LPA: variants seen among roughly 807,000 people sequenced by gnomAD.
LPA encodes the protein apolipoprotein(a).
Under a neutral mutation model 197.9 loss-of-function variants are expected in LPA, and 199 were observed. That is an observed-to-expected ratio of 1.01 (90% CI 0.90 to 1.13). The LOEUF (loss-of-function observed/expected upper bound fraction) is 1.13. Among genes scored for constraint, LPA ranks in the 50% most tolerant of loss-of-function variants. LPA has a pLI of 0.00. For synonymous variants in LPA, 715 were observed against 639.5 expected, an observed-to-expected ratio of 1.12 and a Z score of -1.78; for missense variants, 1,853 against 1,785.8, an observed-to-expected ratio of 1.04 and a Z score of -0.68.
chr6:160,662,499 C>G (rs9347437), intron 1 of LPA, among the ~76,000 whole-genome samples: 73,062 of 152,004 alleles, frequency 0.48, 18,120 homozygotes, highest in Non-Finnish European at 0.55. Context: ...AAGAGCTTAT[C>G]AGAGAATGTG....
In LPA at chr6:160,605,057, G is replaced by A; in HGVS notation, c.2934C>T (p.Tyr978=). ...TPHSHSRTPA[Y]YPNAGLIKNY... is the part of the protein sequence containing the mutation. Reference sequence around the variant, plus strand: ...GAAAATAGACATACGCATTTGGGTAGTATGCTGGGGTCCGACTATGCGAGT... The same window carrying A: ...GAAAATAGACATACGCATTTGGGTAATATGCTGGGGTCCGACTATGCGAGT... Residue 978 remains tyrosine (Y), a synonymous_variant, in exon 18 of 39, where the codon TAC becomes TAT. Transcript: ENST00000316300. 1.9e-6 allele frequency: 3 copies of A among 1,613,776 alleles called. No individual in the cohort carries two copies. The highest frequency in any genetic ancestry group is 1.7e-6 in the Non-Finnish European group (2 of 1,179,772).
At chr6:160,560,649 T>G (rs752627907) in intron 28 of LPA, among the ~76,000 whole-genome samples, 1 of 152,284 alleles carries the variant, frequency 6.6e-6, no homozygotes, top group East Asian at 1.9e-4. Context: ...TTTTTTTTCT[T>G]GTACATTTGT....
intron 28 of LPA, among the ~76,000 whole-genome samples, chr6:160,561,019 C>T (rs10945677): frequency 0.2 from 30,584 of 152,038 alleles, 3,402 homozygotes; most frequent in East Asian, 0.4. Context: ...ATGCCATTCT[C>T]CTGCCTCAGC....
intron 25 of LPA, among the ~76,000 whole-genome samples, 158 bp downstream of exon 25, chr6:160,586,291 C>A (rs995162454): frequency 7.9e-5 from 12 of 152,124 alleles, no homozygotes; most frequent in Non-Finnish European, 1.2e-4. Flanking sequence ...CAGCTCTGGT[C>A]CCCCCAGAGA....
intron 22 of LPA, among the ~76,000 whole-genome samples, chr6:160,591,693 T>C (rs1255475383): frequency 6.6e-6 from 1 of 152,236 alleles, no homozygotes; most frequent in African/African-American, 2.4e-5. Flanking sequence ...ATGGTTGTAC[T>C]CCCTCCTTGG....
At chr6:160,557,958 C>T (rs1232253125) in intron 28 of LPA, among the ~76,000 whole-genome samples, 4 of 149,872 alleles carry the variant, frequency 2.7e-5, no homozygotes, top group Non-Finnish European at 4.4e-5. Flanking sequence ...CTCGCTCTGT[C>T]GCCCAGACTG....
At chr6:160,581,017 T>C (rs1217477233) in intron 26 of LPA, among the ~76,000 whole-genome samples, 3 of 152,182 alleles carry the variant, frequency 2.0e-5, no homozygotes, top group African/African-American at 7.2e-5. Flanking sequence ...TACTTTTTCA[T>C]AGCAGTCTTA....
At chr6:160,584,577 C>T (rs1385185936) in intron 26 of LPA, among the ~76,000 whole-genome samples, 3 of 151,980 alleles carry the variant, frequency 2.0e-5, no homozygotes, top group Non-Finnish European at 4.4e-5. Flanking sequence ...GGTGATCTGC[C>T]CGTCTTGTCC....
intron 30 of LPA, among the ~76,000 whole-genome samples, chr6:160,554,105 C>G (rs1034978641): frequency 5.3e-5 from 8 of 151,920 alleles, no homozygotes; most frequent in African/African-American, 1.9e-4. Context: ...TTTTGTAGTT[C>G]TTTAATTTCC....
At chr6:160,542,643 C>T in intron 34 of LPA, 45 bp downstream of exon 34, 2 of 1,611,128 alleles carry the variant, frequency 1.2e-6, no homozygotes, top group Non-Finnish European at 1.7e-6. Context: ...TTTTGTGGGG[C>T]TTACATGGAA....
In LPA at chr6:160,606,480, G is replaced by T; in HGVS notation, c.2782C>A (p.Gln928Lys). The change falls in exon 17 of 39, where the codon CAA (glutamine) becomes AAA (lysine). Residue 928 changes from glutamine (Q) to lysine (K), a missense_variant. By Grantham distance (53) the Gln-to-Lys change is moderately conservative. This residue lies in a region of LPA where 1,737 missense variants were observed against 1,504.4 expected (regional missense o/e 1.15). Transcript: ENST00000316300. ...PIPSLEAPSE[Q>K]APTEQRPGVQ... is the part of the protein sequence containing the mutation. The stretch of plus-strand genomic sequence containing the variant: ...TTTCTGGCCACAGGCTCCTTACCTT[G>T]TTCAGAAGGAGCCTCTAGGCTTGGA... 2.5e-6 allele frequency: 4 copies of T among 1,613,352 alleles called. No individual in the cohort carries two copies. The highest frequency in any genetic ancestry group is 3.4e-6 in the Non-Finnish European group (4 of 1,179,790).
chr6:160,657,810 A>T (rs1375996088), intron 1 of LPA, among the ~76,000 whole-genome samples: 1 of 152,134 alleles, frequency 6.6e-6, no homozygotes, highest in East Asian at 1.9e-4. Context: ...TTCCACCATT[A>T]TCCCTTACCC....
chr6:160,572,883 T>C (rs1408462099), intron 28 of LPA, among the ~76,000 whole-genome samples: 1 of 152,190 alleles, frequency 6.6e-6, no homozygotes, highest in African/African-American at 2.4e-5. Flanking sequence ...AGAATGTGCC[T>C]AGGCTAAGAT....
chr6:160,601,953 A>G (rs952839444), intron 18 of LPA, among the ~76,000 whole-genome samples: 2 of 152,194 alleles, frequency 1.3e-5, no homozygotes, highest in East Asian at 3.9e-4. Flanking sequence ...TCGGGCAGCT[A>G]TGGAGGACCT....
intron 1 of LPA, among the ~76,000 whole-genome samples, chr6:160,656,394 T>C (rs1371606014): frequency 6.6e-6 from 1 of 152,208 alleles, no homozygotes; most frequent in African/African-American, 2.4e-5. Flanking sequence ...AGTATGTCTA[T>C]ACAAATTATG....
At chr6:160,566,230 C>T (rs1177992237) in intron 28 of LPA, among the ~76,000 whole-genome samples, 1 of 152,026 alleles carries the variant, frequency 6.6e-6, no homozygotes, top group Non-Finnish European at 1.5e-5. Context: ...ACATAATTGT[C>T]AGATTCACCA....
chr6:160,601,426 G>A (rs904810835), intron 18 of LPA, among the ~76,000 whole-genome samples: 18 of 152,240 alleles, frequency 1.2e-4, no homozygotes, highest in African/African-American at 3.9e-4. Flanking sequence ...GGAATAACTG[G>A]TATGGATTTT....
rs41264848 is a variant in LPA at position 160,547,936 on chromosome 6, G to T, written c.5157C>A (p.Asp1719Glu). 4 of 1,613,744 alleles carry T rather than the reference G, an allele frequency of 2.5e-6. No homozygotes were observed. The Admixed American group carries it at 5.0e-5, about 20-fold the overall frequency. Residue 1719 changes from aspartate (D) to glutamate (E), a missense_variant and splice_region_variant, in exon 32 of 39, where the codon GAC (aspartate) becomes GAA (glutamate). Physicochemically the swap from Asp to Glu is conservative, Grantham distance 45 (BLOSUM62 2). Coordinates refer to ENST00000316300, the MANE Select transcript of LPA (RefSeq NM_005577.4). ...VPSLGPPSEQ[D>E]CMFGNGKGYR... ...ATCCTTTCCCATTCCCAAACATACA[G>T]TCTGTAGAAAAAAATAAAAATAAAA...
chr6:160,552,486 T>C (rs1778182276), intron 30 of LPA, among the ~76,000 whole-genome samples: 1 of 152,226 alleles, frequency 6.6e-6, no homozygotes, highest in Non-Finnish European at 1.5e-5. Flanking sequence ...TATTTTTTGG[T>C]TTTGATACTA....
Sources: allele counts gnomAD v4.1 joint callset (sites outside exome capture counted in the v4.1 genomes callset), GRCh38; gene constraint gnomAD v4.1.1; regional missense constraint gnomAD v4.1.1; transcripts MANE v1.5; gene names NCBI Gene and HGNC (gene_info 2026-07-23, HGNC 2026-07-21).